Variants in OR1F1 observed in about 807,000 individuals in gnomAD.
OR1F1 encodes the protein olfactory receptor family 1 subfamily F member 1, also known as olfactory receptor 1F1.
For synonymous variants in OR1F1, 184 were observed against 156.7 expected (o/e 1.17, Z -1.30); for missense variants, 493 against 376.3 (o/e 1.31, Z -2.57).
chr16:3,205,482 A>ATT (rs36031331), downstream of OR1F1, among the ~76,000 whole-genome samples: 3 of 143,626 alleles, frequency 2.1e-5, no homozygotes, highest in South Asian at 2.2e-4. Flanking sequence ...GCCTAGCTAA[A>ATT]TTTTTTTTTT....
At chr16:3,204,013 T>C (rs1200024870), upstream of OR1F1, among the ~76,000 whole-genome samples, 1 of 152,090 alleles carries the variant, frequency 6.6e-6, no homozygotes, top group Non-Finnish European at 1.5e-5. Flanking sequence ...CATTTTAATT[T>C]TACAAATTGG....
the OR1F1 span, among the ~76,000 whole-genome samples, chr16:3,195,542 C>T: frequency 6.6e-6 from 1 of 151,722 alleles, no homozygotes; most frequent in African/African-American, 2.4e-5. Flanking sequence ...ATTAACCGGG[C>T]GTGGTGGGGG....
At position 3,204,488 on chromosome 16, in the gene OR1F1, T is replaced by G. The variant is rs1285322183; in HGVS notation, c.242T>G (p.Met81Arg). The G allele has an allele frequency of 9.3e-6, 15 of 1,614,080 alleles. No individual in the cohort carries two copies. The highest frequency in any genetic ancestry group is 3.3e-4 in the Middle Eastern group (2 of 6,084). The change falls in exon 1 of 1, where the codon ATG becomes AGG. Residue 81 changes from methionine (M) to arginine (R), a missense_variant. Transcript: ENST00000304646. ...TTCTCCTTCACCACCGTCCCCAAGA[T>G]GCTGGCCAATCACATACTCGAGACT...
At chr16:3,205,808 T>C (rs952260342), downstream of OR1F1, among the ~76,000 whole-genome samples, 4 of 152,226 alleles carry the variant, frequency 2.6e-5, no homozygotes, top group African/African-American at 9.7e-5. Context: ...GCTGACGATG[T>C]ACGTCACCTC....
the OR1F1 span, among the ~76,000 whole-genome samples, chr16:3,198,250 C>G: frequency 6.6e-6 from 1 of 152,038 alleles, no homozygotes; most frequent in Admixed American, 6.5e-5. Flanking sequence ...AGTTGGCAAA[C>G]TGGAGACCCA....
At chr16:3,198,231 T>G in the OR1F1 span, among the ~76,000 whole-genome samples, 9 of 152,096 alleles carry the variant, frequency 5.9e-5, no homozygotes, top group African/African-American at 2.2e-4. Context: ...TCCCCAAGTA[T>G]GCAGGGTGAG....
the OR1F1 span, among the ~76,000 whole-genome samples, chr16:3,198,418 C>A: frequency 7.2e-5 from 11 of 152,234 alleles, no homozygotes; most frequent in East Asian, 2.1e-3. Flanking sequence ...GTGGGGATGA[C>A]ACATGCAGAG....
At chr16:3,191,708 A>G in the OR1F1 span, among the ~76,000 whole-genome samples, 1 of 152,028 alleles carries the variant, frequency 6.6e-6, no homozygotes, top group East Asian at 1.9e-4. Context: ...TCCCAGCAGC[A>G]AGGATTGTCA....
downstream of OR1F1, among the ~76,000 whole-genome samples, chr16:3,205,421 T>A (rs1215833661): frequency 6.6e-6 from 1 of 151,954 alleles, no homozygotes; most frequent in African/African-American, 2.4e-5. Flanking sequence ...GCTCAAGTGA[T>A]CCTCCTGCCT....
At chr16:3,198,446 C>A in the OR1F1 span, among the ~76,000 whole-genome samples, 1 of 152,100 alleles carries the variant, frequency 6.6e-6, no homozygotes, top group African/African-American at 2.4e-5. Flanking sequence ...AGGCTTAACC[C>A]CTTAAGCAGG....
chr16:3,203,012 T>A (rs1488689381), upstream of OR1F1, among the ~76,000 whole-genome samples: 4 of 152,168 alleles, frequency 2.6e-5, no homozygotes, highest in Admixed American at 2.6e-4. Flanking sequence ...AAGATCAGCA[T>A]CCCAGCTGGG....
the OR1F1 span, among the ~76,000 whole-genome samples, chr16:3,199,027 C>T: frequency 6.8e-6 from 1 of 147,536 alleles, no homozygotes; most frequent in African/African-American, 2.5e-5. Context: ...GCCTATAATC[C>T]CAGCACTTTG....
chr16:3,192,983 C>T, the OR1F1 span, among the ~76,000 whole-genome samples: 1 of 152,206 alleles, frequency 6.6e-6, no homozygotes, highest in Non-Finnish European at 1.5e-5. Context: ...GTCGCCCAGG[C>T]TGGAATGCAG....
the OR1F1 span, chr16:3,191,231 C>G: frequency 6.6e-6 from 1 of 152,184 alleles, no homozygotes; most frequent in Non-Finnish European, 1.5e-5. Flanking sequence ...TTTTCTCTTT[C>G]TGAAAGGAGG....
At chr16:3,190,177 G>C in the OR1F1 span, among the ~76,000 whole-genome samples, 6,090 of 152,134 alleles carry the variant, frequency 0.04, 400 homozygotes, top group African/African-American at 0.14. Context: ...TTTGCGTCTG[G>C]GGTCCAGAGA....
chr16:3,189,803 T>C, the OR1F1 span: 1 of 152,090 alleles, frequency 6.6e-6, no homozygotes, highest in Non-Finnish European at 1.5e-5. Context: ...GCAAAGGTAA[T>C]TTGTACAAAG....
chr16:3,193,896 C>T, the OR1F1 span, among the ~76,000 whole-genome samples: 4 of 152,144 alleles, frequency 2.6e-5, no homozygotes, highest in African/African-American at 7.2e-5. Flanking sequence ...TTTTAATATT[C>T]TCAGTAGGGC....
the OR1F1 span, among the ~76,000 whole-genome samples, chr16:3,190,511 G>A: frequency 2.0e-5 from 3 of 152,200 alleles, no homozygotes; most frequent in African/African-American, 4.8e-5. Flanking sequence ...AGCACTTTGG[G>A]AGGCTGAGGC....
the OR1F1 span, among the ~76,000 whole-genome samples, chr16:3,193,503 A>C: frequency 3.3e-5 from 5 of 152,358 alleles, no homozygotes; most frequent in East Asian, 1.9e-4. Flanking sequence ...GCGAGGACGC[A>C]GACTGCAGAG....
Sources: allele counts gnomAD v4.1 joint callset (sites outside exome capture counted in the v4.1 genomes callset), GRCh38; gene constraint gnomAD v4.1.1; transcripts MANE v1.5; gene names NCBI Gene and HGNC (gene_info 2026-07-23, HGNC 2026-07-21).